Variants in KLHL29 observed in about 807,000 individuals in gnomAD.
KLHL29 encodes the protein kelch-like protein 29.
In KLHL29, 21 loss-of-function variants were observed where a neutral mutation model predicts 80.4. The observed-to-expected ratio is 0.26, with a 90% CI of 0.19 to 0.38. The LOEUF (loss-of-function observed/expected upper bound fraction) is 0.38. Among genes scored for constraint, KLHL29 ranks in the 10% least tolerant of loss-of-function variants. KLHL29 has a pLI of 1.00. For missense variants in KLHL29, 867 were observed against 1,223.9 expected, an observed-to-expected ratio of 0.71 and a Z score of 4.35; for synonymous variants, 511 against 526.8, an observed-to-expected ratio of 0.97 and a Z score of 0.41.
At chr2:23,673,029 G>A (rs1670812698) in intron 5 of KLHL29, among the ~76,000 whole-genome samples, 2 of 152,172 alleles carry the variant, frequency 1.3e-5, no homozygotes, top group Non-Finnish European at 2.9e-5. Flanking sequence ...ATCCACCAGT[G>A]GCCTCCAGCC....
At chr2:23,438,747 A>G (rs965735880) in intron 1 of KLHL29, among the ~76,000 whole-genome samples, 5 of 151,964 alleles carry the variant, frequency 3.3e-5, no homozygotes, top group African/African-American at 1.2e-4. Flanking sequence ...ATCAATGTTC[A>G]TCAAGGATAT....
chr2:23,613,304 T>A (rs537823417), intron 3 of KLHL29, among the ~76,000 whole-genome samples: 1 of 152,156 alleles, frequency 6.6e-6, no homozygotes, highest in Admixed American at 6.5e-5. Flanking sequence ...CACTCTATGC[T>A]ATTTATAAAA....
At chr2:23,488,856 C>T (rs115747440) in intron 2 of KLHL29, among the ~76,000 whole-genome samples, 1,571 of 152,284 alleles carry the variant, frequency 0.01, 27 homozygotes, top group African/African-American at 0.036. Context: ...TAATGCAAAG[C>T]CATCTACCTC....
chr2:23,660,710 G>A (rs1481988549), intron 5 of KLHL29, among the ~76,000 whole-genome samples: 1 of 152,250 alleles, frequency 6.6e-6, no homozygotes, highest in Non-Finnish European at 1.5e-5. Context: ...GGGTTCCCCA[G>A]CCTCTTCCCA....
Position 23,703,838 on chromosome 2 carries a change from A to T in KLHL29, c.2419A>T (p.Met807Leu). Residue 807 changes from methionine to leucine, a missense_variant, in exon 13 of 14, where the codon ATG (methionine) becomes TTG (leucine). By Grantham distance (15) the Met-to-Leu change is conservative. Around this residue, in one of 2 missense-constraint regions of KLHL29, gnomAD observed 443 missense variants for 767.0 expected, o/e 0.58. Transcript: ENST00000486442. ...AGGAAACATTAAGGCGGGCCCAAAC[A>T]TGAACCACTCTCGCCAGTTCTGCAG... ...EKGNIKAGPN[M>L]NHSRQFCSAV... 6.5e-7 allele frequency: 1 copy of T among 1,537,352 alleles called. No homozygotes were observed. The highest frequency in any genetic ancestry group is 1.2e-5 in the South Asian group (1 of 84,040).
chr2:23,387,062 C>T (rs1666201373), intron 1 of KLHL29, among the ~76,000 whole-genome samples: 1 of 152,182 alleles, frequency 6.6e-6, no homozygotes, highest in Non-Finnish European at 1.5e-5. Context: ...CTGCCATCCC[C>T]GCCGCTCTGC....
rs1002348294 is a variant in KLHL29 at position 23,682,783 on chromosome 2, G to A, written c.941-1616G>A. On this transcript the variant is annotated intron_variant, in intron 5 of 13. Transcript: ENST00000486442. This position sits in a 1 kb window ranked among gnomAD's most constrained non-coding sequence, Gnocchi z 4.1. ...TGCTCCGGGTCTGAGCTCACCCCAC[G>A]TAGATCCTTCCTGAAGTCCCAGCCA... Among the ~76,000 whole-genome samples the A allele has an allele frequency of 3.3e-5, 5 of 151,964 alleles. No homozygotes were observed. The highest frequency in any genetic ancestry group is 5.9e-5 in the Non-Finnish European group (4 of 67,992).
At chr2:23,685,743 G>C (rs1558438954) in intron 6 of KLHL29, among the ~76,000 whole-genome samples, 1 of 152,314 alleles carries the variant, frequency 6.6e-6, no homozygotes, top group South Asian at 2.1e-4. Context: ...CAGGGGTTAG[G>C]GGCATGTGGT....
chr2:23,653,667 G>A (rs1257867158), intron 5 of KLHL29, among the ~76,000 whole-genome samples: 1 of 152,202 alleles, frequency 6.6e-6, no homozygotes, highest in East Asian at 1.9e-4. Flanking sequence ...CCCAAAAGGA[G>A]AGGAAAAGGT....
At chr2:23,409,148 T>C (rs983371323) in intron 1 of KLHL29, among the ~76,000 whole-genome samples, 7 of 152,188 alleles carry the variant, frequency 4.6e-5, no homozygotes. Context: ...AGACATCACT[T>C]TCCCCATTGG....
At chr2:23,524,388 G>GA in intron 2 of KLHL29, 1 of 164,074 alleles carries the variant, frequency 6.1e-6, no homozygotes, top group South Asian at 1.7e-4. Flanking sequence ...GTCCTGCCCC[G>GA]GGCTCCCGGG....
At chr2:23,644,996 T>C (rs1255942863) in intron 5 of KLHL29, among the ~76,000 whole-genome samples, 1 of 152,242 alleles carries the variant, frequency 6.6e-6, no homozygotes, top group Non-Finnish European at 1.5e-5. Flanking sequence ...CGAAATTCCA[T>C]GTAACTCGCT....
At chr2:23,692,972 C>G (rs1290402923) in intron 7 of KLHL29, among the ~76,000 whole-genome samples, 2 of 152,166 alleles carry the variant, frequency 1.3e-5, no homozygotes, top group Non-Finnish European at 2.9e-5. Flanking sequence ...CCAGCCCAGG[C>G]CCAGGCTCTG....
chr2:23,464,202 A>G (rs1318943343), intron 1 of KLHL29, among the ~76,000 whole-genome samples: 3 of 152,214 alleles, frequency 2.0e-5, no homozygotes, highest in African/African-American at 7.2e-5. Flanking sequence ...AATTCCATCC[A>G]AGTAATCAGA....
chr2:23,386,411 T>G (rs1572471179), intron 1 of KLHL29, among the ~76,000 whole-genome samples: 1 of 152,102 alleles, frequency 6.6e-6, no homozygotes, highest in Non-Finnish European at 1.5e-5. Flanking sequence ...CAGACCTTAT[T>G]GTGACCCACC....
chr2:23,677,450 G>A (rs1670954420), intron 5 of KLHL29, among the ~76,000 whole-genome samples: 1 of 152,202 alleles, frequency 6.6e-6, no homozygotes, highest in South Asian at 2.1e-4. Context: ...AGTGTTTCAT[G>A]GTTCCTAGGA....
At chr2:23,516,784 A>G (rs1252519022) in intron 2 of KLHL29, among the ~76,000 whole-genome samples, 1 of 152,212 alleles carries the variant, frequency 6.6e-6, no homozygotes, top group Non-Finnish European at 1.5e-5. Context: ...GGCACTGGGG[A>G]GGCCACAGAG....
At chr2:23,444,202 G>C (rs1663610908) in intron 1 of KLHL29, among the ~76,000 whole-genome samples, 1 of 152,166 alleles carries the variant, frequency 6.6e-6, no homozygotes, top group South Asian at 2.1e-4. Flanking sequence ...CCATTTAGTG[G>C]ATAGAGCTAG....
intron 5 of KLHL29, among the ~76,000 whole-genome samples, chr2:23,674,332 G>C (rs1233483441): frequency 6.6e-6 from 1 of 151,988 alleles, no homozygotes; most frequent in African/African-American, 2.4e-5. Context: ...GAGGTTCCCA[G>C]AACTTGGGGT....
Sources: gnomAD v4.1 joint callset for allele counts (sites outside exome capture counted in the v4.1 genomes callset) on GRCh38, gnomAD v4.1.1 for gene constraint, gnomAD v4.1.1 regional missense constraint, Gnocchi (gnomAD v3.1) non-coding constraint, MANE v1.5 for transcripts, NCBI Gene and HGNC (gene_info 2026-07-23, HGNC 2026-07-21) for gene names.